The following RCL1 variants were observed in gnomAD, a reference collection of about 807,000 sequenced individuals.
RCL1 encodes the protein RNA 3'-terminal phosphate cyclase-like protein.
In RCL1, 24 loss-of-function variants were observed where a neutral mutation model predicts 42.4. The observed-to-expected ratio is 0.57, with a 90% CI of 0.41 to 0.80. The LOEUF (loss-of-function observed/expected upper bound fraction) is 0.80, where lower values mean the gene tolerates loss of function less well. Among genes scored for constraint, RCL1 ranks in the 30% least tolerant of loss-of-function variants. The probability of loss-of-function intolerance (pLI) is 0.00; values close to 1 mark genes in which losing one functional copy is unlikely to be tolerated. For missense variants in RCL1, 578 were observed against 467.9 expected, an observed-to-expected ratio of 1.24 and a Z score of -2.17; for synonymous variants, 228 against 177.3, an observed-to-expected ratio of 1.29 and a Z score of -2.27.
At chr9:4,800,561 A>T (rs1170546486) in intron 1 of RCL1, among the ~76,000 whole-genome samples, 1 of 151,662 alleles carries the variant, frequency 6.6e-6, no homozygotes, top group Non-Finnish European at 1.5e-5. Context: ...TTTCTCTGGA[A>T]TAAATGCCCA....
Position 4,834,180 on chromosome 9 carries a change from G to C in RCL1, c.499G>C (p.Val167Leu). Residue 167 changes from valine (V) to leucine (L), a missense_variant, in exon 5 of 9, where the codon GTG becomes CTG. Val to Leu is a conservative substitution (Grantham distance 32). Transcript: ENST00000381750. ...RGMPPGGGGE[V>L]VFSCPVRKVL... ...AATGCCTCCCGGAGGAGGAGGCGAA[G>C]TGGTTTTCTCATGTCCTGTGAGGAA... 1 of 1,613,802 alleles carries C rather than the reference G, an allele frequency of 6.2e-7. No homozygotes were observed. The highest frequency in any genetic ancestry group is 1.1e-5 in the South Asian group (1 of 91,082).
At chr9:4,852,632 A>C (rs112324885) in intron 8 of RCL1, among the ~76,000 whole-genome samples, 82 of 152,274 alleles carry the variant, frequency 5.4e-4, no homozygotes, top group African/African-American at 1.9e-3. Flanking sequence ...GGACTTGTGG[A>C]GATGGAACGA....
intron 1 of RCL1, among the ~76,000 whole-genome samples, chr9:4,814,767 C>G (rs1416441430): frequency 6.6e-6 from 1 of 151,904 alleles, no homozygotes; most frequent in African/African-American, 2.4e-5. Context: ...TTTTTCATTT[C>G]TAGATGTAGG....
intron 1 of RCL1, among the ~76,000 whole-genome samples, chr9:4,816,337 C>G (rs1170586260): frequency 6.6e-6 from 1 of 152,102 alleles, no homozygotes; most frequent in Non-Finnish European, 1.5e-5. Context: ...TTTTAATATC[C>G]AATTTATAAA....
At chr9:4,853,409 C>T (rs1817824073) in intron 8 of RCL1, among the ~76,000 whole-genome samples, 1 of 151,644 alleles carries the variant, frequency 6.6e-6, no homozygotes, top group Non-Finnish European at 1.5e-5. Flanking sequence ...GCAAGCTCTA[C>T]CTCCCAGGTT....
At chr9:4,834,560 G>A (rs1321992277) in intron 5 of RCL1, among the ~76,000 whole-genome samples, 1 of 151,534 alleles carries the variant, frequency 6.6e-6, no homozygotes, top group African/African-American at 2.4e-5. Context: ...TTTGGTTTGG[G>A]GGCCATGAAT....
chr9:4,847,357 A>G (rs1183566889), intron 7 of RCL1, among the ~76,000 whole-genome samples: 2 of 152,200 alleles, frequency 1.3e-5, no homozygotes, highest in Non-Finnish European at 2.9e-5. Context: ...GTGATGTGAC[A>G]TGGATTGAAT....
intron 7 of RCL1, among the ~76,000 whole-genome samples, chr9:4,845,547 T>A (rs1321586248): frequency 6.6e-6 from 1 of 152,246 alleles, no homozygotes; most frequent in Non-Finnish European, 1.5e-5. Flanking sequence ...AAGATACAGT[T>A]TCCTAAAAGA....
In RCL1 at chr9:4,823,840, A is replaced by G. The variant is rs183937863; in HGVS notation, c.208+221A>G. On this transcript the variant is annotated intron_variant, in intron 2 of 8. Transcript: ENST00000381750. Reference sequence around the variant, plus strand: ...GGGGGACTTATATGAGGAACTCACCATATAACTTTGGAGTTATATGAGGAA... The same window carrying G: ...GGGGGACTTATATGAGGAACTCACCGTATAACTTTGGAGTTATATGAGGAA... 1.4e-3 allele frequency among the ~76,000 whole-genome samples: 206 copies of G among 152,278 alleles called. 1 individual carries two copies. Among genetic ancestry groups the G allele is most frequent in the African/African-American group, 4.8e-3 (199 of 41,554 alleles).
At chr9:4,845,836 C>T (rs745584827) in intron 7 of RCL1, among the ~76,000 whole-genome samples, 8 of 152,194 alleles carry the variant, frequency 5.3e-5, no homozygotes, top group Admixed American at 2.0e-4. Flanking sequence ...TCTTCTTCCC[C>T]TAAGGAGCTG....
intron 1 of RCL1, among the ~76,000 whole-genome samples, chr9:4,819,579 C>T (rs1055032262): frequency 4.6e-5 from 7 of 152,120 alleles, no homozygotes; most frequent in Non-Finnish European, 4.4e-5. Context: ...GAGGTCGAGG[C>T]GGGGGGATCA....
chr9:4,808,275 A>G (rs973313542), intron 1 of RCL1, among the ~76,000 whole-genome samples: 28 of 151,948 alleles, frequency 1.8e-4, no homozygotes, highest in Admixed American at 5.2e-4. Context: ...CTTTTATTAT[A>G]TAATGTATCA....
intron 5 of RCL1, among the ~76,000 whole-genome samples, chr9:4,836,250 C>G (rs890706415): frequency 6.6e-6 from 1 of 152,080 alleles, no homozygotes; most frequent in African/African-American, 2.4e-5. Context: ...GTGGGAGGAC[C>G]AATTTCATCC....
chr9:4,853,791 G>A (rs1316430030), intron 8 of RCL1, among the ~76,000 whole-genome samples: 3 of 138,716 alleles, frequency 2.2e-5, no homozygotes, highest in East Asian at 4.0e-4. Flanking sequence ...AATAAACCGT[G>A]ACTTTTTTTT....
chr9:4,813,456 A>T (rs1184854342), intron 1 of RCL1, among the ~76,000 whole-genome samples: 2 of 152,262 alleles, frequency 1.3e-5, no homozygotes, highest in Non-Finnish European at 2.9e-5. Flanking sequence ...ATCACTGGCC[A>T]TCAGAGAAAT....
chr9:4,825,924 C>G (rs1475022505), intron 2 of RCL1, among the ~76,000 whole-genome samples: 4 of 150,792 alleles, frequency 2.7e-5, no homozygotes, highest in Non-Finnish European at 5.9e-5. Context: ...TAGTGAGACC[C>G]TTTCTCAAAA....
At chr9:4,847,005 C>T (rs1284676255) in intron 7 of RCL1, among the ~76,000 whole-genome samples, 1 of 151,682 alleles carries the variant, frequency 6.6e-6, no homozygotes, top group Non-Finnish European at 1.5e-5. Flanking sequence ...CCTGCCTTAG[C>T]CTCCCATGTA....
intron 8 of RCL1, among the ~76,000 whole-genome samples, chr9:4,849,824 T>A: frequency 6.6e-6 from 1 of 152,248 alleles, no homozygotes; most frequent in East Asian, 1.9e-4. Context: ...GTTTCCAGGT[T>A]AGAGGTAAAC....
intron 8 of RCL1, among the ~76,000 whole-genome samples, chr9:4,859,886 C>A (rs919820105): frequency 6.6e-6 from 1 of 152,110 alleles, no homozygotes; most frequent in South Asian, 2.1e-4. Context: ...GAACTTCTAA[C>A]CTTTCCCCCC....
Sources: allele counts gnomAD v4.1 joint callset (sites outside exome capture counted in the v4.1 genomes callset), GRCh38; gene constraint gnomAD v4.1.1; transcripts MANE v1.5; gene names NCBI Gene and HGNC (gene_info 2026-07-23, HGNC 2026-07-21).